The following SNX18 variants were observed in gnomAD, a reference collection of about 807,000 sequenced individuals.
The protein encoded by SNX18 is sorting nexin-18.
Under a neutral mutation model 48.7 loss-of-function variants are expected in SNX18, and 35 were observed. That is an observed-to-expected ratio of 0.72 (90% CI 0.55 to 0.95). The LOEUF (loss-of-function observed/expected upper bound fraction) is 0.95, where lower values mean the gene tolerates loss of function less well. Among genes scored for constraint, SNX18 ranks in the 40% least tolerant of loss-of-function variants. The pLI, the probability that SNX18 is intolerant of heterozygous loss-of-function variation, is 0.00. For missense variants in SNX18, 824 were observed against 871.0 expected, an observed-to-expected ratio of 0.95 and a Z score of 0.68; for synonymous variants, 492 against 384.7, an observed-to-expected ratio of 1.28 and a Z score of -3.26.
chr5:54,588,307 T>TTTA, the SNX18 span, among the ~76,000 whole-genome samples: 21 of 4,122 alleles, frequency 5.1e-3, 3 homozygotes, highest in South Asian at 0.011. Context: ...ATTTCTATTC[T>TTTA]TTTTTTTTTT....
At chr5:54,624,641 A>G in the SNX18 span, among the ~76,000 whole-genome samples, 1 of 152,230 alleles carries the variant, frequency 6.6e-6, no homozygotes, top group Non-Finnish European at 1.5e-5. Context: ...CACATTCATG[A>G]TACCGTGGCA....
chr5:54,531,208 A>G (rs1365939118), intron 1 of SNX18, among the ~76,000 whole-genome samples: 2 of 152,052 alleles, frequency 1.3e-5, no homozygotes, highest in Non-Finnish European at 2.9e-5. Flanking sequence ...TTTGGAAAGG[A>G]ACAGGTGAAC....
intron 1 of SNX18, among the ~76,000 whole-genome samples, chr5:54,541,996 C>T (rs904654137): frequency 8.5e-5 from 13 of 152,192 alleles, no homozygotes; most frequent in Non-Finnish European, 1.6e-4. Context: ...GTTCCCTCCT[C>T]AGTAGTACTG....
downstream of SNX18, among the ~76,000 whole-genome samples, chr5:54,548,254 T>C (rs1020344775): frequency 1.6e-4 from 25 of 152,138 alleles, no homozygotes; most frequent in African/African-American, 5.6e-4. Context: ...CAATTGTCCA[T>C]GTGAAGCCAC....
chr5:54,559,604 C>T, the SNX18 span, among the ~76,000 whole-genome samples: 1 of 152,054 alleles, frequency 6.6e-6, no homozygotes, highest in Admixed American at 6.6e-5. Flanking sequence ...ACCCAAAACT[C>T]TAAAAACCCT....
chr5:54,537,404 C>A (rs768255536), intron 1 of SNX18, among the ~76,000 whole-genome samples: 2 of 152,206 alleles, frequency 1.3e-5, no homozygotes, highest in African/African-American at 4.8e-5. Context: ...GTAATATGCT[C>A]ATGCTATTCC....
intron 1 of SNX18, chr5:54,519,856 T>A (rs1761983123): frequency 6.4e-7 from 1 of 1,555,800 alleles, no homozygotes; most frequent in Non-Finnish European, 8.7e-7. Context: ...AATAGTTGAG[T>A]AATGAGCTGC....
At chr5:54,538,745 A>G (rs909916492) in intron 1 of SNX18, among the ~76,000 whole-genome samples, 1 of 152,212 alleles carries the variant, frequency 6.6e-6, no homozygotes, top group Non-Finnish European at 1.5e-5. Flanking sequence ...TCAATTCAGG[A>G]TATAATCAGG....
chr5:54,543,147 G>A, intron 1 of SNX18, 32 bp from the exon 2 acceptor site: 1 of 1,596,324 alleles, frequency 6.3e-7, no homozygotes, highest in Non-Finnish European at 8.5e-7. Context: ...TGGATATATA[G>A]GTTTTTAATT....
chr5:54,561,812 G>A, the SNX18 span, among the ~76,000 whole-genome samples: 10 of 152,270 alleles, frequency 6.6e-5, no homozygotes, highest in East Asian at 1.9e-3. Context: ...AGGGCCTTTT[G>A]ACTCTACTTT....
At chr5:54,520,010 A>T (rs1474367163) in intron 1 of SNX18, 2 of 597,126 alleles carry the variant, frequency 3.3e-6, no homozygotes, top group Non-Finnish European at 5.9e-6. Context: ...CTGTAAATAG[A>T]AATCTGCTTT....
chr5:54,594,528 G>A, the SNX18 span, among the ~76,000 whole-genome samples: 3 of 152,136 alleles, frequency 2.0e-5, no homozygotes, highest in Non-Finnish European at 2.9e-5. Flanking sequence ...TGTCTAGACT[G>A]TTTATGCAAA....
the SNX18 span, among the ~76,000 whole-genome samples, chr5:54,605,721 A>G: frequency 1.1e-4 from 17 of 152,276 alleles, no homozygotes; most frequent in African/African-American, 4.1e-4. Flanking sequence ...GTGCAGTGGC[A>G]CTATCGCAGC....
At chr5:54,523,515 C>T (rs980328005) in intron 1 of SNX18, among the ~76,000 whole-genome samples, 3 of 152,136 alleles carry the variant, frequency 2.0e-5, no homozygotes, top group Non-Finnish European at 2.9e-5. Flanking sequence ...AGTGAAATGT[C>T]TTTCTTCTAG....
chr5:54,632,567 T>G, the SNX18 span, among the ~76,000 whole-genome samples: 3 of 152,076 alleles, frequency 2.0e-5, no homozygotes, highest in East Asian at 1.9e-4. Flanking sequence ...TTTTTTGTGG[T>G]GTGGTCTTTA....
the SNX18 span, among the ~76,000 whole-genome samples, chr5:54,631,780 T>C: frequency 6.6e-6 from 1 of 152,206 alleles, no homozygotes; most frequent in African/African-American, 2.4e-5. Flanking sequence ...TTGCAAGGCT[T>C]TTCTGAGTAG....
At chr5:54,561,319 G>T in the SNX18 span, among the ~76,000 whole-genome samples, 14 of 152,160 alleles carry the variant, frequency 9.2e-5, no homozygotes, top group South Asian at 2.9e-3. Context: ...GGGATTACAG[G>T]CATGAGGCAC....
the SNX18 span, among the ~76,000 whole-genome samples, chr5:54,642,912 C>T: frequency 2.0e-5 from 3 of 152,260 alleles, no homozygotes; most frequent in African/African-American, 7.2e-5. Context: ...GTGGTCTTGA[C>T]ACATGTGTAC....
the SNX18 span, among the ~76,000 whole-genome samples, chr5:54,587,735 C>A: frequency 2.6e-5 from 4 of 152,294 alleles, no homozygotes; most frequent in East Asian, 7.7e-4. Context: ...AGGGGTACAG[C>A]ACCATTGCTT....
Sources: gnomAD v4.1 joint callset for allele counts (sites outside exome capture counted in the v4.1 genomes callset) on GRCh38, gnomAD v4.1.1 for gene constraint, MANE v1.5 for transcripts, NCBI Gene and HGNC (gene_info 2026-07-23, HGNC 2026-07-21) for gene names.